CSMD1: variants seen among roughly 807,000 people sequenced by gnomAD.
The protein encoded by CSMD1 is CUB and Sushi multiple domains 1.
A neutral mutation model predicts 417.5 loss-of-function variants in CSMD1; 213 were observed. The observed-to-expected ratio is 0.51, with a 90% CI of 0.46 to 0.57. The LOEUF is 0.57. Among genes scored for constraint, CSMD1 ranks in the 20% least tolerant of loss-of-function variants. The pLI, the probability that CSMD1 is intolerant of heterozygous loss-of-function variation, is 0.00. For missense variants in CSMD1, 6,923 were observed against 4,529.7 expected (o/e 1.53, Z -15.17); for synonymous variants, 2,862 against 1,736.8 (o/e 1.65, Z -16.11).
chr8:3,293,511 G>T (rs1803734173), intron 25 of CSMD1, among the ~76,000 whole-genome samples: 1 of 152,074 alleles, frequency 6.6e-6, no homozygotes, highest in South Asian at 2.1e-4. Context: ...ATTTCTTGGA[G>T]GCTTTGTTTG....
chr8:2,984,374 C>T (rs113799212), intron 54 of CSMD1, among the ~76,000 whole-genome samples: 4,588 of 151,998 alleles, frequency 0.03, 105 homozygotes, highest in Non-Finnish European at 0.035. Flanking sequence ...CCCGAGACCA[C>T]GTCTTGCTCT....
chr8:4,417,278 T>C (rs1796996243), intron 3 of CSMD1, among the ~76,000 whole-genome samples: 1 of 152,054 alleles, frequency 6.6e-6, no homozygotes, highest in Non-Finnish European at 1.5e-5. Context: ...TTGTTTCTAT[T>C]CTCATTATGT....
chr8:4,437,135 G>A (rs998255299), intron 2 of CSMD1, among the ~76,000 whole-genome samples: 1 of 152,064 alleles, frequency 6.6e-6, no homozygotes, highest in Non-Finnish European at 1.5e-5. Flanking sequence ...ATTCTTTTAG[G>A]GGAATTTTAG....
chr8:4,956,269 C>A (rs1809104128), intron 1 of CSMD1, among the ~76,000 whole-genome samples: 1 of 151,382 alleles, frequency 6.6e-6, no homozygotes, highest in South Asian at 2.1e-4. Context: ...TTTAAAGTGA[C>A]AGACCTTGCA....
Position 4,267,565 on chromosome 8 carries a change from A to G in CSMD1, c.415+152388T>C, listed in dbSNP as rs191139486. Among the ~76,000 whole-genome samples the G allele has an allele frequency of 1.3e-3, 204 of 152,106 alleles. 1 individual carries two copies. Among genetic ancestry groups the G allele is most frequent in the African/African-American group, 4.8e-3 (201 of 41,560 alleles). Reference sequence around the variant, plus strand: ...AATTGTAATAGAAATAGCAATGGTCACTGACACAATAAGTGACACATTCTT... The same window carrying G: ...AATTGTAATAGAAATAGCAATGGTCGCTGACACAATAAGTGACACATTCTT... On this transcript the variant is annotated intron_variant, in intron 3 of 69. Coordinates refer to ENST00000635120, the MANE Select transcript of CSMD1 (RefSeq NM_033225.6).
chr8:3,995,127 T>C (rs1815102947), intron 5 of CSMD1, among the ~76,000 whole-genome samples: 2 of 152,218 alleles, frequency 1.3e-5, no homozygotes, highest in African/African-American at 2.4e-5. Context: ...TACTGTAAAA[T>C]AATAGGCTTT....
intron 2 of CSMD1, among the ~76,000 whole-genome samples, chr8:4,579,718 TTTTACATGGTGAATTTCCATGTAAA>T (rs1335258265): frequency 6.6e-6 from 1 of 152,178 alleles, no homozygotes; most frequent in African/African-American, 2.4e-5. Context: ...ACTCCATGTT[TTTTACATGGTGAATTTCCATGTAAA>T]TTTACATGGT....
intron 2 of CSMD1, among the ~76,000 whole-genome samples, chr8:4,619,891 A>G (rs1388110274): frequency 6.6e-6 from 1 of 152,100 alleles, no homozygotes; most frequent in Non-Finnish European, 1.5e-5. Context: ...CAGCATAAAT[A>G]TTAGTACTGG....
At chr8:4,521,024 A>G (rs1585196353) in intron 2 of CSMD1, among the ~76,000 whole-genome samples, 1 of 152,322 alleles carries the variant, frequency 6.6e-6, no homozygotes, top group African/African-American at 2.4e-5. Context: ...TGTTTCAACC[A>G]TCGCATATAA....
At position 4,771,107 on chromosome 8, in the gene CSMD1, C is replaced by T. The variant is rs116578194; in HGVS notation, c.86-133549G>A. ...TTTGTAAATAACTCATAGCACTCAA[C>T]ATATAACCTCATGTTAAAATTGGTG... On this transcript the variant is annotated intron_variant, in intron 1 of 69. Coordinates refer to ENST00000635120, the MANE Select transcript of CSMD1 (RefSeq NM_033225.6). Among the ~76,000 whole-genome samples the T allele has an allele frequency of 6.1e-3, 925 of 152,284 alleles. 5 individuals carry two copies. Among genetic ancestry groups the T allele is most frequent in the African/African-American group, 0.021 (891 of 41,540 alleles).
At chr8:4,124,712 CT>C (rs1268012584) in intron 3 of CSMD1, among the ~76,000 whole-genome samples, 1 of 152,144 alleles carries the variant, frequency 6.6e-6, no homozygotes, top group Non-Finnish European at 1.5e-5. Flanking sequence ...CCTAAGGGGG[CT>C]TTTCCCTAAG....
chr8:3,849,880 A>C (rs992860361), intron 5 of CSMD1, among the ~76,000 whole-genome samples: 1 of 152,134 alleles, frequency 6.6e-6, no homozygotes, highest in Non-Finnish European at 1.5e-5. Flanking sequence ...CAGTGGCGCA[A>C]TCTCAGCTTC....
intron 26 of CSMD1, among the ~76,000 whole-genome samples, chr8:3,281,817 C>G (rs1802762991): frequency 6.6e-6 from 1 of 152,034 alleles, no homozygotes; most frequent in South Asian, 2.1e-4. Context: ...AATTGTAATC[C>G]CCACTGTTGG....
intron 5 of CSMD1, among the ~76,000 whole-genome samples, chr8:3,959,882 C>T (rs1250212945): frequency 3.9e-5 from 6 of 152,160 alleles, no homozygotes; most frequent in Admixed American, 2.6e-4. Flanking sequence ...GTGTGATCTG[C>T]CTTCATTCCT....
chr8:3,615,838 T>G (rs1802110675), intron 8 of CSMD1, among the ~76,000 whole-genome samples: 1 of 152,164 alleles, frequency 6.6e-6, no homozygotes, highest in East Asian at 1.9e-4. Context: ...ATTTTACAGC[T>G]GCTTCTAATA....
At chr8:4,451,195 G>A (rs988080356) in intron 2 of CSMD1, among the ~76,000 whole-genome samples, 5 of 152,148 alleles carry the variant, frequency 3.3e-5, no homozygotes, top group African/African-American at 1.2e-4. Context: ...CAAGTGTGAT[G>A]AGGCATGTGC....
At chr8:3,411,145 G>A (rs1443272075) in intron 12 of CSMD1, among the ~76,000 whole-genome samples, 4 of 152,154 alleles carry the variant, frequency 2.6e-5, no homozygotes, top group African/African-American at 9.7e-5. Flanking sequence ...GGTGTCATCT[G>A]ACTACAGACT....
intron 1 of CSMD1, among the ~76,000 whole-genome samples, chr8:4,922,770 T>C (rs1806580102): frequency 6.6e-6 from 1 of 152,182 alleles, no homozygotes; most frequent in African/African-American, 2.4e-5. Context: ...AGAAGGCTAC[T>C]GAAGGACACC....
chr8:4,833,342 G>T (rs151030898), intron 1 of CSMD1, among the ~76,000 whole-genome samples: 19 of 152,152 alleles, frequency 1.2e-4, no homozygotes, highest in African/African-American at 4.6e-4. Context: ...AGAAGACAAT[G>T]GTGAAGGAGG....
Sources: gnomAD v4.1 joint callset for allele counts (sites outside exome capture counted in the v4.1 genomes callset) on GRCh38, gnomAD v4.1.1 for gene constraint, MANE v1.5 for transcripts, NCBI Gene and HGNC (gene_info 2026-07-23, HGNC 2026-07-21) for gene names.